MTUS2: variants seen among roughly 807,000 people sequenced by gnomAD.
MTUS2 encodes the protein microtubule associated scaffold protein 2, also known as microtubule-associated tumor suppressor candidate 2.
Under a neutral mutation model 114.1 loss-of-function variants are expected in MTUS2, and 40 were observed. That is an observed-to-expected ratio of 0.35 (90% confidence interval 0.27 to 0.46). The LOEUF is 0.46. Among genes scored for constraint, MTUS2 ranks in the 20% least tolerant of loss-of-function variants. The probability of loss-of-function intolerance (pLI) is 1.00; values close to 1 mark genes in which losing one functional copy is unlikely to be tolerated. For synonymous variants in MTUS2, 688 were observed against 672.0 expected, an observed-to-expected ratio of 1.02 and a Z score of -0.37; for missense variants, 1,679 against 1,705.4, an observed-to-expected ratio of 0.98 and a Z score of 0.27.
intron 5 of MTUS2, among the ~76,000 whole-genome samples, chr13:29,250,925 A>G (rs1307284552): frequency 1.3e-5 from 2 of 152,208 alleles, no homozygotes; most frequent in East Asian, 1.9e-4. Flanking sequence ...TATATTGACC[A>G]AAGTTTTAAA....
chr13:29,257,985 C>G (rs1319092821), intron 5 of MTUS2, among the ~76,000 whole-genome samples: 1 of 152,194 alleles, frequency 6.6e-6, no homozygotes, highest in East Asian at 1.9e-4. Flanking sequence ...CTGAAGCCAC[C>G]TCTACTCAGC....
chr13:28,981,897 C>T (rs1239317826), intron 2 of MTUS2, among the ~76,000 whole-genome samples: 1 of 152,166 alleles, frequency 6.6e-6, no homozygotes, highest in Non-Finnish European at 1.5e-5. Context: ...TGGGTATGAG[C>T]GTATCTGGTT....
At chr13:29,455,470 T>C (rs1424374393) in intron 9 of MTUS2, among the ~76,000 whole-genome samples, 2 of 152,180 alleles carry the variant, frequency 1.3e-5, no homozygotes, top group African/African-American at 2.4e-5. Context: ...AACAAGTGTC[T>C]GTCTAGCGCG....
rs576638331 is a variant in MTUS2 at position 29,023,070 on chromosome 13, C to T, written c.-242-1387C>T. Among the ~76,000 whole-genome samples the T allele has an allele frequency of 4.7e-4, 71 of 152,242 alleles. No individual in the cohort carries two copies. The South Asian group carries it at 7.9e-3, about 17-fold the overall frequency. On this transcript the variant is annotated intron_variant, in intron 2 of 15. Transcript: ENST00000612955. ...CATTATAGGATGACCTAGTGAGGAA[C>T]GCTTCCTGGAGGAAGTGGTAGTTAT...
intron 8 of MTUS2, among the ~76,000 whole-genome samples, chr13:29,381,461 A>G (rs191791247): frequency 1.1e-3 from 168 of 152,298 alleles, no homozygotes; most frequent in Non-Finnish European, 1.7e-3. Flanking sequence ...CTGTTTATTC[A>G]TTATTTTTAT....
intron 8 of MTUS2, among the ~76,000 whole-genome samples, chr13:29,436,270 A>G (rs1486434122): frequency 6.6e-6 from 1 of 152,154 alleles, no homozygotes; most frequent in African/African-American, 2.4e-5. Flanking sequence ...TGTTTGATGA[A>G]GAGTGTGGAC....
intron 8 of MTUS2, among the ~76,000 whole-genome samples, chr13:29,404,494 T>G (rs1263125117): frequency 6.6e-6 from 1 of 152,102 alleles, no homozygotes; most frequent in Admixed American, 6.6e-5. Flanking sequence ...GCTCCTTGAC[T>G]TGAGATTCAA....
chr13:29,457,138 A>G (rs1446846830), intron 9 of MTUS2, among the ~76,000 whole-genome samples: 1 of 146,626 alleles, frequency 6.8e-6, no homozygotes. Flanking sequence ...GCGAGACTCC[A>G]TTCAAAAAAA....
chr13:28,999,051 T>G (rs1885258383), intron 2 of MTUS2, among the ~76,000 whole-genome samples: 1 of 152,206 alleles, frequency 6.6e-6, no homozygotes, highest in Admixed American at 6.5e-5. Flanking sequence ...ATGATGGTGA[T>G]GTACAGATAG....
intron 2 of MTUS2, among the ~76,000 whole-genome samples, chr13:28,876,511 A>G (rs964656955): frequency 1.3e-5 from 2 of 152,152 alleles, no homozygotes; most frequent in African/African-American, 4.8e-5. Context: ...GCAGTTCCAA[A>G]ACTCTCTTCT....
intron 6 of MTUS2, among the ~76,000 whole-genome samples, chr13:29,309,312 C>CAGAAAACTAATACA (rs1899638116): frequency 6.6e-6 from 1 of 152,128 alleles, no homozygotes; most frequent in African/African-American, 2.4e-5. Flanking sequence ...CCATTATCCT[C>CAGAAAACTAATACA]AGAAAACTAA....
chr13:28,828,557 A>G (rs1158962602), intron 1 of MTUS2, among the ~76,000 whole-genome samples: 1 of 152,192 alleles, frequency 6.6e-6, no homozygotes, highest in Non-Finnish European at 1.5e-5. Context: ...AATTTGGGGA[A>G]CTAATAAATG....
At chr13:29,219,314 A>G (rs1895812316) in intron 5 of MTUS2, among the ~76,000 whole-genome samples, 2 of 148,742 alleles carry the variant, frequency 1.3e-5, no homozygotes, top group South Asian at 2.2e-4. Context: ...ATCATTTTTT[A>G]TGGCTGCATA....
At chr13:29,088,543 C>T (rs908086390) in intron 4 of MTUS2, among the ~76,000 whole-genome samples, 4 of 152,024 alleles carry the variant, frequency 2.6e-5, no homozygotes, top group Non-Finnish European at 5.9e-5. Context: ...TAATGTTCTG[C>T]CTTGATTTCT....
intron 8 of MTUS2, 138 bp from the exon 9 acceptor site, chr13:29,439,845 C>T (rs890487108): frequency 1.5e-5 from 11 of 724,670 alleles, no homozygotes; most frequent in Non-Finnish European, 2.6e-5. Context: ...TTTTTACATG[C>T]TTATATAATG....
In MTUS2 at chr13:29,389,847, G is replaced by GTA. The variant is rs1197133167; in HGVS notation, c.3117+30375_3117+30376insAT. ...CATATGTGTATATATACATACATAT[G>GTA]TGTATATATACATACATATGTGTAT... On this transcript the variant is annotated intron_variant, in intron 8 of 15. Transcript: ENST00000612955. Among the ~76,000 whole-genome samples, 5 of 33,160 alleles carry GTA rather than the reference G, an allele frequency of 1.5e-4. 2 individuals carry two copies. The highest frequency in any genetic ancestry group is 4.6e-4 in the African/African-American group (5 of 10,916). The allele number at this position is 33,160 out of a possible 152,430, so 21.8% of individuals were successfully genotyped here. A position where few individuals can be genotyped will look rare whatever the true frequency, so the allele number is the denominator to read the frequency against.
At chr13:29,010,997 C>T (rs1885816334) in intron 2 of MTUS2, among the ~76,000 whole-genome samples, 2 of 152,274 alleles carry the variant, frequency 1.3e-5, no homozygotes, top group South Asian at 4.1e-4. Flanking sequence ...GCGTTAGCAT[C>T]ATTGCTCCCC....
At chr13:29,002,963 A>G (rs1457005056) in intron 2 of MTUS2, among the ~76,000 whole-genome samples, 3 of 152,218 alleles carry the variant, frequency 2.0e-5, no homozygotes, top group African/African-American at 7.2e-5. Flanking sequence ...AGAATGTAAG[A>G]TATTCAAAGA....
chr13:29,041,139 T>G (rs1269907514), intron 4 of MTUS2, among the ~76,000 whole-genome samples: 1 of 152,220 alleles, frequency 6.6e-6, no homozygotes, highest in Non-Finnish European at 1.5e-5. Flanking sequence ...TTGTATAATG[T>G]GAGAGATGAA....
Sources: gnomAD v4.1 joint callset for allele counts (sites outside exome capture counted in the v4.1 genomes callset) on GRCh38, gnomAD v4.1.1 for gene constraint, MANE v1.5 for transcripts, NCBI Gene and HGNC (gene_info 2026-07-23, HGNC 2026-07-21) for gene names.